ATP2B2: variants seen among roughly 807,000 people sequenced by gnomAD.
ATP2B2 encodes plasma membrane calcium-transporting ATPase 2.
A neutral mutation model predicts 120.0 loss-of-function variants in ATP2B2; 15 were observed. That is an observed-to-expected ratio of 0.12 (90% CI 0.08 to 0.19). The LOEUF is 0.19. ATP2B2 is among the 10% of genes least tolerant of loss of function. The probability of loss-of-function intolerance (pLI) is 1.00; values close to 1 mark genes in which losing one functional copy is unlikely to be tolerated. For missense variants in ATP2B2, 1,045 were observed against 1,719.8 expected, an observed-to-expected ratio of 0.61 and a Z score of 6.94; for synonymous variants, 694 against 700.3, an observed-to-expected ratio of 0.99 and a Z score of 0.14.
At chr3:10,501,851 C>A (rs943289424) in intron 1 of ATP2B2, among the ~76,000 whole-genome samples, 2 of 152,180 alleles carry the variant, frequency 1.3e-5, no homozygotes, top group African/African-American at 4.8e-5. Context: ...CTCCACCAAG[C>A]CCACTCTTAA....
At chr3:10,400,714 G>A (rs1279212057) in intron 5 of ATP2B2, among the ~76,000 whole-genome samples, 1 of 152,226 alleles carries the variant, frequency 6.6e-6, no homozygotes, top group African/African-American at 2.4e-5. Flanking sequence ...TGAGGGCAGG[G>A]ATGCTTTGTC....
chr3:10,566,628 C>G (rs542470917), intron 2 of ATP2B2, among the ~76,000 whole-genome samples: 3 of 152,312 alleles, frequency 2.0e-5, no homozygotes, highest in African/African-American at 7.2e-5. Flanking sequence ...ATTGTCGCCT[C>G]TTTTCTTTAT....
Position 10,400,929 on chromosome 3 carries a change from G to A in ATP2B2, c.781+24C>T, listed in dbSNP as rs776838590. On this transcript the variant is annotated intron_variant, in intron 5 of 22. Coordinates refer to ENST00000360273, the MANE Select transcript of ATP2B2 (RefSeq NM_001001331.4). ...CCCCTGTGCATGGCGACGGGAATGG[G>A]CCCAACATCAGGCTGAAGCTCACCT... 6 of 1,613,734 alleles carry A rather than the reference G, an allele frequency of 3.7e-6. No individual in the cohort carries two copies. The East Asian group carries it at 1.3e-4, about 36-fold the overall frequency.
In ATP2B2 at chr3:10,329,186, CT is replaced by C; in HGVS notation, c.3421-62del. The C allele has an allele frequency of 7.5e-7, 1 of 1,340,086 alleles. No individual in the cohort carries two copies. Among genetic ancestry groups the C allele is most frequent in the Non-Finnish European group, 1.1e-6 (1 of 950,322 alleles). The allele number at this position is 1,340,086 out of a possible 1,614,324, so 83.0% of individuals were successfully genotyped here. A position where few individuals can be genotyped will look rare whatever the true frequency, so the allele number is the denominator to read the frequency against. On this transcript the variant is annotated intron_variant, in intron 22 of 22. Coordinates refer to ENST00000360273, the MANE Select transcript of ATP2B2 (RefSeq NM_001001331.4). The surrounding 1 kb of genome is among the most constrained non-coding windows in gnomAD (Gnocchi z 5.9). The stretch of plus-strand genomic sequence containing the variant: ...AGGGACCACAGCCAGGCTCGGGGGG[CT>C]CACAGGAGGGGCGGGTGGGAGAAGG...
intron 2 of ATP2B2, among the ~76,000 whole-genome samples, chr3:10,592,345 C>T (rs926693880): frequency 6.6e-5 from 10 of 152,214 alleles, no homozygotes; most frequent in Non-Finnish European, 1.2e-4. Context: ...ATAAGTCAAA[C>T]ATAAATAAAG....
At chr3:10,659,280 A>G (rs1476623279) in intron 1 of ATP2B2, among the ~76,000 whole-genome samples, 3 of 152,256 alleles carry the variant, frequency 2.0e-5, no homozygotes, top group African/African-American at 7.2e-5. Context: ...AAATCCTCCA[A>G]TTAAAAGACA....
At chr3:10,507,879 A>C (rs1370044536), upstream of ATP2B2, among the ~76,000 whole-genome samples, 1 of 141,372 alleles carries the variant, frequency 7.1e-6, no homozygotes, top group Non-Finnish European at 1.6e-5. Context: ...TAAAGAGTAG[A>C]CCAAACTTGT....
chr3:10,479,803 A>G (rs2065339078), intron 1 of ATP2B2, among the ~76,000 whole-genome samples: 1 of 152,314 alleles, frequency 6.6e-6, no homozygotes, highest in Non-Finnish European at 1.5e-5. Flanking sequence ...TTGAATAAAA[A>G]GCCTAATTCT....
chr3:10,409,473 A>T (rs777101005), intron 3 of ATP2B2, among the ~76,000 whole-genome samples: 1 of 152,180 alleles, frequency 6.6e-6, no homozygotes, highest in Non-Finnish European at 1.5e-5. Context: ...AGGAACCTCA[A>T]GTCAGATTTA....
At chr3:10,645,286 T>C (rs1022500127) in intron 1 of ATP2B2, among the ~76,000 whole-genome samples, 1 of 152,116 alleles carries the variant, frequency 6.6e-6, no homozygotes, top group East Asian at 1.9e-4. Flanking sequence ...AATAAGCTAG[T>C]GGGAGAAAGC....
rs77612297 is a variant in ATP2B2, at chr3:10,549,936, C to T, written c.-414-15803G>A. Among the ~76,000 whole-genome samples, 110 of 152,382 alleles carry T rather than the reference C, an allele frequency of 7.2e-4. No homozygotes were observed. The East Asian group carries it at 0.019, about 26-fold the overall frequency. On this transcript the variant is annotated intron_variant, in intron 2 of 21. Coordinates refer to the ATP2B2 transcript ENST00000646379. The stretch of plus-strand genomic sequence containing the variant: ...GTGATGCTAGAACTCAGGGGAGCCA[C>T]ATGGCTCAGAGAGGTTAAGTCACCT...
At chr3:10,498,925 T>A (rs1479193118) in intron 1 of ATP2B2, among the ~76,000 whole-genome samples, 1 of 152,128 alleles carries the variant, frequency 6.6e-6, no homozygotes, top group Admixed American at 6.5e-5. Context: ...GCTCAACATA[T>A]TTCGAATGCC....
chr3:10,571,516 A>T (rs1292820628), intron 2 of ATP2B2, among the ~76,000 whole-genome samples: 1 of 152,240 alleles, frequency 6.6e-6, no homozygotes, highest in Non-Finnish European at 1.5e-5. Context: ...AGTCCACGTG[A>T]GCAAGGCATG....
intron 1 of ATP2B2, among the ~76,000 whole-genome samples, chr3:10,672,157 C>T (rs1266541446): frequency 2.6e-5 from 4 of 152,186 alleles, no homozygotes. Context: ...TGGTTAAAAT[C>T]ACAGCCTCAG....
chr3:10,367,458 G>T (rs912127670), intron 12 of ATP2B2, among the ~76,000 whole-genome samples: 1 of 152,096 alleles, frequency 6.6e-6, no homozygotes, highest in African/African-American at 2.4e-5. Context: ...AAAGACAGTG[G>T]CTGGCATAGC....
In ATP2B2 at chr3:10,376,252, T is replaced by A. The variant is rs370536327; in HGVS notation, c.1202-608A>T. The stretch of plus-strand genomic sequence containing the variant: ...AGACAGTTTCAGATATGGTGACACA[T>A]TGTGAAGAAAAAGGCCAGGATGATG... On this transcript the variant is annotated intron_variant, in intron 10 of 22. Coordinates refer to ENST00000360273, the MANE Select transcript of ATP2B2 (RefSeq NM_001001331.4). 1.2e-4 allele frequency among the ~76,000 whole-genome samples: 18 copies of A among 151,974 alleles called. No homozygotes were observed. In the East Asian group the frequency reaches 3.3e-3, roughly 28 times the overall value.
In ATP2B2 at chr3:10,587,666, C is replaced by G. The variant is rs148494122; in HGVS notation, c.-415+32251G>C. ...AAGTGCAGGGATTACAGGCATGAGC[C>G]ACCGCGCTGGGCCTAGTTTAATTCT... On this transcript the variant is annotated intron_variant, in intron 2 of 21. Transcript: ENST00000646379. 1.2e-4 allele frequency among the ~76,000 whole-genome samples: 18 copies of G among 152,334 alleles called. No individual in the cohort carries two copies. The East Asian group carries it at 3.1e-3, about 26-fold the overall frequency.
chr3:10,409,329 T>G (rs1480106983), intron 3 of ATP2B2, among the ~76,000 whole-genome samples: 1 of 152,256 alleles, frequency 6.6e-6, no homozygotes, highest in Non-Finnish European at 1.5e-5. Flanking sequence ...ATTTGAGCTA[T>G]GCAAATCTAC....
chr3:10,600,204 C>T (rs1050061367), intron 2 of ATP2B2, among the ~76,000 whole-genome samples: 2 of 152,350 alleles, frequency 1.3e-5, no homozygotes, highest in African/African-American at 4.8e-5. Flanking sequence ...AAATATCTTT[C>T]TCTTGGCCTA....
Sources: gnomAD v4.1 joint callset for allele counts (sites outside exome capture counted in the v4.1 genomes callset) on GRCh38, gnomAD v4.1.1 for gene constraint, Gnocchi (gnomAD v3.1) non-coding constraint, MANE v1.5 for transcripts, NCBI Gene and HGNC (gene_info 2026-07-23, HGNC 2026-07-21) for gene names.